The following SSBP3 variants were observed in gnomAD, a reference collection of about 807,000 sequenced individuals.
The protein encoded by SSBP3 is single-stranded DNA-binding protein 3.
A neutral mutation model predicts 69.6 loss-of-function variants in SSBP3; 5 were observed. The ratio of observed to expected loss-of-function variants is 0.07; its 90% CI spans 0.04 to 0.15. SSBP3 has a LOEUF of 0.15. SSBP3 is among the 10% of genes least tolerant of loss of function. The probability of loss-of-function intolerance (pLI) is 1.00; values close to 1 mark genes in which losing one functional copy is unlikely to be tolerated. For missense variants in SSBP3, 312 were observed against 534.0 expected, an observed-to-expected ratio of 0.58 and a Z score of 4.10; for synonymous variants, 196 against 193.4, an observed-to-expected ratio of 1.01 and a Z score of -0.11.
At chr1:54,305,289 T>TG (rs1645878818) in intron 4 of SSBP3, among the ~76,000 whole-genome samples, 1 of 152,182 alleles carries the variant, frequency 6.6e-6, no homozygotes, top group Non-Finnish European at 1.5e-5. Context: ...CCAATATCAC[T>TG]GGTCCTCCAA....
chr1:54,332,623 T>TCC (rs1646437554), intron 4 of SSBP3, among the ~76,000 whole-genome samples: 1 of 152,098 alleles, frequency 6.6e-6, no homozygotes, highest in Non-Finnish European at 1.5e-5. Flanking sequence ...TTCCTGTGCC[T>TCC]CCACTCCCTA....
chr1:54,405,983 G>A lies in SSBP3; in HGVS notation c.26C>T (p.Ala9Val), dbSNP rs751614436. ...CCGAGCCTGCCCATCCGAGGGCACC[G>A]CCGAGCCTTTGCCTTTGGCAAACAT... Residue 9 changes from alanine to valine, a missense_variant, in exon 1 of 18, where the codon GCG (alanine) becomes GTG (valine). By Grantham distance (64) the Ala-to-Val change is moderately conservative (BLOSUM62 0). This residue lies in a region of SSBP3 where 31 missense variants were observed against 94.3 expected (regional missense o/e 0.33). Coordinates refer to ENST00000610401, the Ensembl canonical transcript of SSBP3. 45 of 1,472,678 alleles carry A rather than the reference G, an allele frequency of 3.1e-5. No homozygotes were observed. Among genetic ancestry groups the A allele is most frequent in the Middle Eastern group, 2.4e-4 (1 of 4,130 alleles). 91.2% of individuals were successfully genotyped at this position (1,472,678 alleles called of 1,614,324 possible). A position where few individuals can be genotyped will look rare whatever the true frequency, so the allele number is the denominator to read the frequency against.
At position 54,257,202 on chromosome 1, in the gene SSBP3, A is replaced by G. The variant is rs765555634; in HGVS notation, c.448-16T>C. ...ACATAAAAGGCTGCAATTATAGGTA[A>G]TTAGTTCAATGACAGCCTGCCCTAC... On this transcript the variant is annotated splice_polypyrimidine_tract_variant and intron_variant, in intron 6 of 17. Coordinates refer to ENST00000610401, the Ensembl canonical transcript of SSBP3. The G allele has an allele frequency of 9.4e-6, 15 of 1,589,470 alleles. No homozygotes were observed. The highest frequency in any genetic ancestry group is 1.3e-5 in the Non-Finnish European group (15 of 1,170,744).
At chr1:54,239,092 G>A in intron 14 of SSBP3, 37 bp downstream of exon 14, 1 of 1,543,506 alleles carries the variant, frequency 6.5e-7, no homozygotes, top group Non-Finnish European at 9.0e-7. Flanking sequence ...GATTTGTTAT[G>A]GTGTCTGATA....
intron 5 of SSBP3, among the ~76,000 whole-genome samples, chr1:54,268,408 T>C (rs2100804834): frequency 6.6e-6 from 1 of 152,350 alleles, no homozygotes; most frequent in African/African-American, 2.4e-5. Flanking sequence ...ACCCAGAGAA[T>C]TCCTGCTCCA....
chr1:54,314,855 T>C (rs1646067813), intron 4 of SSBP3, among the ~76,000 whole-genome samples: 1 of 152,078 alleles, frequency 6.6e-6, no homozygotes, highest in African/African-American at 2.4e-5. Context: ...GCCACCTGGG[T>C]ACAGACGCTG....
chr1:54,354,439 C>A (rs758109673), intron 4 of SSBP3, among the ~76,000 whole-genome samples: 1 of 152,156 alleles, frequency 6.6e-6, no homozygotes, highest in Non-Finnish European at 1.5e-5. Context: ...AGGAGAGACA[C>A]GAGGCAGTGG....
chr1:54,331,465 T>G (rs1437085606), intron 4 of SSBP3, among the ~76,000 whole-genome samples: 1 of 152,108 alleles, frequency 6.6e-6, no homozygotes, highest in Non-Finnish European at 1.5e-5. Flanking sequence ...GCCAACACAA[T>G]AGCAAGACTG....
chr1:54,281,636 T>C (rs1328518593), intron 4 of SSBP3, 109 bp from the exon 5 acceptor site: 3 of 1,009,568 alleles, frequency 3.0e-6, no homozygotes, highest in Non-Finnish European at 4.6e-6. Context: ...CCCGTGGACC[T>C]TCCTCACAGG....
chr1:54,232,639 C>T (rs891587001), intron 14 of SSBP3, among the ~76,000 whole-genome samples: 1 of 151,452 alleles, frequency 6.6e-6, no homozygotes. Flanking sequence ...CCCTCTCATG[C>T]GGAGCCGAAG....
intron 4 of SSBP3, among the ~76,000 whole-genome samples, chr1:54,314,846 C>T (rs995021731): frequency 1.3e-5 from 2 of 152,270 alleles, no homozygotes; most frequent in Admixed American, 6.5e-5. Flanking sequence ...GAAGTCAAAG[C>T]CACCTGGGTA....
intron 14 of SSBP3, among the ~76,000 whole-genome samples, chr1:54,232,251 A>G (rs1644392409): frequency 6.6e-6 from 1 of 152,208 alleles, no homozygotes; most frequent in South Asian, 2.1e-4. Context: ...GTCCTCTGAT[A>G]CAGAAATAAC....
intron 14 of SSBP3, chr1:54,237,189 C>G (rs1026234882): frequency 1.3e-5 from 2 of 152,172 alleles, no homozygotes; most frequent in Non-Finnish European, 2.9e-5. Context: ...CTCGGAAGCA[C>G]GAATGCTGGA....
intron 4 of SSBP3, among the ~76,000 whole-genome samples, chr1:54,374,446 C>T (rs1017062444): frequency 2.0e-5 from 3 of 152,224 alleles, no homozygotes; most frequent in Non-Finnish European, 4.4e-5. Flanking sequence ...GCTGGCCCTG[C>T]TCCTTCCCAT....
intron 4 of SSBP3, among the ~76,000 whole-genome samples, chr1:54,282,151 C>T (rs566024306): frequency 5.9e-5 from 9 of 152,288 alleles, no homozygotes; most frequent in Admixed American, 2.0e-4. Context: ...GTACTTCCTG[C>T]GGTGCAGAGC....
At chr1:54,281,378 GC>G in intron 5 of SSBP3, 59 bp downstream of exon 5, 1 of 1,416,386 alleles carries the variant, frequency 7.1e-7, no homozygotes, top group Non-Finnish European at 9.6e-7. Flanking sequence ...CCTCCCACCT[GC>G]CCAGGGCCTC....
intron 5 of SSBP3, among the ~76,000 whole-genome samples, chr1:54,263,513 C>T (rs1198544416): frequency 6.6e-6 from 1 of 152,230 alleles, no homozygotes; most frequent in African/African-American, 2.4e-5. Flanking sequence ...GTGAGGCACA[C>T]GGGGTCCCCA....
rs749596072 is a variant in SSBP3 at position 54,258,042 on chromosome 1, C to A, written c.447+27G>T. ...CTTCCTCCGCGCCCCGCGTCCCCGG[C>A]GGGCGGGAGCGCCACGGTGCGTTTA... On this transcript the variant is annotated intron_variant, in intron 6 of 17. Coordinates refer to ENST00000610401, the Ensembl canonical transcript of SSBP3. This position sits in a 1 kb window ranked among gnomAD's most constrained non-coding sequence, Gnocchi z 4.5. 1.3e-6 allele frequency: 2 copies of A among 1,563,554 alleles called. No individual in the cohort carries two copies. The highest frequency in any genetic ancestry group is 2.3e-5 in the East Asian group (1 of 43,232).
intron 4 of SSBP3, among the ~76,000 whole-genome samples, chr1:54,338,559 T>C (rs1216661128): frequency 1.3e-5 from 2 of 152,268 alleles, no homozygotes; most frequent in African/African-American, 4.8e-5. Flanking sequence ...AGGGTAACTG[T>C]CCGGTCACTC....
Sources: allele counts gnomAD v4.1 joint callset (sites outside exome capture counted in the v4.1 genomes callset), GRCh38; gene constraint gnomAD v4.1.1; regional missense constraint gnomAD v4.1.1; non-coding constraint Gnocchi (gnomAD v3.1); transcripts MANE v1.5; gene names NCBI Gene and HGNC (gene_info 2026-07-23, HGNC 2026-07-21).